Variants in KCNJ15 observed in about 807,000 individuals in gnomAD.
KCNJ15 encodes the protein potassium inwardly rectifying channel subfamily J member 15.
Under a neutral mutation model 23.0 loss-of-function variants are expected in KCNJ15, and 14 were observed. The ratio of observed to expected loss-of-function variants is 0.61; its 90% CI spans 0.40 to 0.95. The LOEUF is 0.95. Among genes scored for constraint, KCNJ15 ranks in the 40% least tolerant of loss-of-function variants. The pLI, the probability that KCNJ15 is intolerant of heterozygous loss-of-function variation, is 0.00. For missense variants in KCNJ15, 388 were observed against 461.8 expected, an observed-to-expected ratio of 0.84 and a Z score of 1.46; for synonymous variants, 185 against 183.2, an observed-to-expected ratio of 1.01 and a Z score of -0.08.
chr21:38,271,271 T>C (rs1368482587), intron 1 of KCNJ15, among the ~76,000 whole-genome samples: 1 of 152,190 alleles, frequency 6.6e-6, no homozygotes, highest in East Asian at 1.9e-4. Context: ...CATCTCCCAG[T>C]ATCATTGAGA....
intron 1 of KCNJ15, among the ~76,000 whole-genome samples, chr21:38,248,901 T>C (rs1272834612): frequency 1.3e-5 from 2 of 151,996 alleles, no homozygotes; most frequent in African/African-American, 4.8e-5. Flanking sequence ...ATGCCTTCCC[T>C]TCTCCAAACT....
At chr21:38,241,333 G>A (rs574937228) in intron 1 of KCNJ15, among the ~76,000 whole-genome samples, 4 of 152,272 alleles carry the variant, frequency 2.6e-5, no homozygotes, top group Non-Finnish European at 5.9e-5. Flanking sequence ...CTGCAGTGGA[G>A]TATTGATTTT....
chr21:38,289,469 A>G (rs919203867), intron 1 of KCNJ15, among the ~76,000 whole-genome samples: 3 of 152,148 alleles, frequency 2.0e-5, no homozygotes, highest in Admixed American at 1.3e-4. Flanking sequence ...GCAGTGGCTC[A>G]CACCTGTAAT....
Position 38,299,752 on chromosome 21 carries a change from T to A in KCNJ15, c.491T>A (p.Phe164Tyr), listed in dbSNP as rs771631895. 6.2e-7 allele frequency: 1 copy of A among 1,614,116 alleles called. No individual in the cohort carries two copies. The change falls in exon 3 of 3, where the codon TTC becomes TAC. Residue 164 changes from phenylalanine to tyrosine, a missense_variant. By Grantham distance (22) the Phe-to-Tyr change is conservative. Transcript: ENST00000398938. This position sits in a 1 kb window ranked among gnomAD's most constrained non-coding sequence, Gnocchi z 4.5. ...ATTGAGATCTTCATCACCGGAACCT[T>A]CCTGGCCAAAATCGCCAGACCCAAA... ...TLIEIFITGT[F>Y]LAKIARPKKR...
intron 1 of KCNJ15, among the ~76,000 whole-genome samples, chr21:38,293,336 C>T (rs1345911473): frequency 6.6e-6 from 1 of 152,144 alleles, no homozygotes. Context: ...TACTGCTGTT[C>T]ACACTCCATT....
chr21:38,280,058 G>T (rs1983154292), intron 1 of KCNJ15, among the ~76,000 whole-genome samples: 1 of 152,146 alleles, frequency 6.6e-6, no homozygotes, highest in African/African-American at 2.4e-5. Context: ...TCTTCATCCT[G>T]CCTCATTGGC....
At chr21:38,250,181 C>A (rs751578175) in intron 1 of KCNJ15, among the ~76,000 whole-genome samples, 1 of 152,232 alleles carries the variant, frequency 6.6e-6, no homozygotes, top group East Asian at 1.9e-4. Context: ...AGTGAAAAAC[C>A]TAGTTGTTTA....
chr21:38,231,101 C>T (rs1280005469), intron 1 of KCNJ15, among the ~76,000 whole-genome samples: 1 of 152,010 alleles, frequency 6.6e-6, no homozygotes, highest in African/African-American at 2.4e-5. Context: ...CTTTCAACAA[C>T]GTTTTGTAGT....
intron 1 of KCNJ15, among the ~76,000 whole-genome samples, chr21:38,279,231 G>T (rs1192088781): frequency 2.6e-5 from 4 of 151,876 alleles, no homozygotes; most frequent in Non-Finnish European, 4.4e-5. Context: ...GGTCTAATTT[G>T]GGGTGTTTGT....
rs1985785180 is a variant in KCNJ15, at chr21:38,301,632, A to G, written c.*1243A>G. 1 of 167,046 alleles carries G rather than the reference A, an allele frequency of 6.0e-6. No individual in the cohort carries two copies. The highest frequency in any genetic ancestry group is 1.5e-5 in the Non-Finnish European group (1 of 68,118). 10.3% of individuals were successfully genotyped at this position (167,046 alleles called of 1,614,324 possible). On this transcript the variant is annotated 3_prime_UTR_variant, in exon 3 of 3. Transcript: ENST00000398938. ...GGAAGAAGAGGAGCTGAAGGTAAGAAACTCATAAACAAGATGACTCTTTGA... is the reference window on the plus strand; with the variant it reads ...GGAAGAAGAGGAGCTGAAGGTAAGAGACTCATAAACAAGATGACTCTTTGA...
chr21:38,245,863 C>T (rs1348872622), intron 1 of KCNJ15, among the ~76,000 whole-genome samples: 1 of 152,106 alleles, frequency 6.6e-6, no homozygotes, highest in Admixed American at 6.5e-5. Context: ...CCAGTTAACC[C>T]TGAGACCACC....
chr21:38,237,879 C>G (rs1472876386), intron 1 of KCNJ15, among the ~76,000 whole-genome samples: 1 of 152,152 alleles, frequency 6.6e-6, no homozygotes, highest in Non-Finnish European at 1.5e-5. Context: ...TAAATATGGG[C>G]ATCCTAAAGA....
chr21:38,260,201 G>T (rs1209287891), intron 1 of KCNJ15, among the ~76,000 whole-genome samples: 1 of 152,052 alleles, frequency 6.6e-6, no homozygotes, highest in Admixed American at 6.5e-5. Flanking sequence ...TGAGGGGGTA[G>T]ATATTTCTGA....
intron 1 of KCNJ15, among the ~76,000 whole-genome samples, chr21:38,269,786 G>A (rs1036375532): frequency 6.6e-6 from 1 of 152,192 alleles, no homozygotes; most frequent in South Asian, 2.1e-4. Flanking sequence ...CACGAGGAGA[G>A]CACAAAGTGT....
At chr21:38,282,380 T>C (rs1601215566) in intron 1 of KCNJ15, among the ~76,000 whole-genome samples, 3 of 152,220 alleles carry the variant, frequency 2.0e-5, no homozygotes, top group Admixed American at 2.0e-4. Context: ...AGGAAGTAAT[T>C]TGTTGGATGA....
At chr21:38,264,419 C>A (rs1296362053) in intron 1 of KCNJ15, among the ~76,000 whole-genome samples, 1 of 152,222 alleles carries the variant, frequency 6.6e-6, no homozygotes, top group South Asian at 2.1e-4. Flanking sequence ...CTTGGCCCCA[C>A]TTTACAATGG....
chr21:38,235,156 GTTCT>G (rs1457092584), intron 1 of KCNJ15, among the ~76,000 whole-genome samples: 2 of 152,118 alleles, frequency 1.3e-5, no homozygotes, highest in Non-Finnish European at 2.9e-5. Context: ...TTTTTTGAAG[GTTCT>G]TTCTTGAAGC....
intron 1 of KCNJ15, among the ~76,000 whole-genome samples, chr21:38,280,618 A>G (rs966169002): frequency 6.6e-6 from 1 of 152,196 alleles, no homozygotes; most frequent in African/African-American, 2.4e-5. Context: ...TATGTTTCCC[A>G]TAAATGAAGT....
rs182569666 is a variant in KCNJ15, at chr21:38,300,905, G to C, written c.*516G>C. 16 of 167,396 alleles carry C rather than the reference G, an allele frequency of 9.6e-5. No homozygotes were observed. Among genetic ancestry groups the C allele is most frequent in the African/African-American group, 3.9e-4 (16 of 41,546 alleles). The allele number at this position is 167,396 out of a possible 1,614,324, so 10.4% of individuals were successfully genotyped here. ...ATGTGGTAATACCTAAAAAGAGGTA[G>C]AGAGACTCTATGTTCACAAAATATA... On this transcript the variant is annotated 3_prime_UTR_variant, in exon 3 of 3. Transcript: ENST00000398938.
Sources: gnomAD v4.1 joint callset for allele counts (sites outside exome capture counted in the v4.1 genomes callset) on GRCh38, gnomAD v4.1.1 for gene constraint, Gnocchi (gnomAD v3.1) non-coding constraint, MANE v1.5 for transcripts, NCBI Gene and HGNC (gene_info 2026-07-23, HGNC 2026-07-21) for gene names.